RASGRF1: variants seen among roughly 807,000 people sequenced by gnomAD.
RASGRF1 encodes Ras protein specific guanine nucleotide releasing factor 1.
RASGRF1 carries 40 observed loss-of-function variants against 138.7 expected under a neutral mutation model. That is an observed-to-expected ratio of 0.29 (90% CI 0.22 to 0.38). RASGRF1 has a LOEUF of 0.38. Ranked by LOEUF, RASGRF1 falls within the 10% of genes least tolerant of loss-of-function variation. The pLI is 1.00. For synonymous variants in RASGRF1, 614 were observed against 663.2 expected (o/e 0.93, Z 1.14); for missense variants, 1,108 against 1,650.4 (o/e 0.67, Z 5.69).
chr15:79,030,818 T>C (rs1316429919), intron 8 of RASGRF1, among the ~76,000 whole-genome samples: 6 of 152,254 alleles, frequency 3.9e-5, no homozygotes, highest in Non-Finnish European at 8.8e-5. Flanking sequence ...CACAGTCATC[T>C]GCTGCCTGGG....
chr15:79,064,353 C>G, intron 2 of RASGRF1, 67 bp downstream of exon 2: 1 of 1,482,124 alleles, frequency 6.7e-7, no homozygotes, highest in Non-Finnish European at 9.3e-7. Context: ...TTCAAAGGCC[C>G]TTGGGTCTGG....
At chr15:78,971,842 T>C in intron 26 of RASGRF1, 24 bp downstream of exon 26, 2 of 1,545,270 alleles carry the variant, frequency 1.3e-6, no homozygotes, top group Non-Finnish European at 8.9e-7. Flanking sequence ...AGCATGCAAG[T>C]GACCAGGAAA....
intron 1 of RASGRF1, among the ~76,000 whole-genome samples, chr15:79,081,978 G>A (rs961586681): frequency 2.6e-5 from 4 of 152,180 alleles, no homozygotes; most frequent in Non-Finnish European, 5.9e-5. Context: ...GAAAGGAGGG[G>A]AGGCCAGGCA....
At chr15:79,043,167 A>T (rs2057317729) in intron 5 of RASGRF1, among the ~76,000 whole-genome samples, 1 of 152,198 alleles carries the variant, frequency 6.6e-6, no homozygotes, top group Non-Finnish European at 1.5e-5. Flanking sequence ...AATTACATTG[A>T]CTGATTTTCA....
chr15:79,027,918 G>T lies in RASGRF1; in HGVS notation c.1263-59C>A. 1 of 1,544,052 alleles carries T rather than the reference G, an allele frequency of 6.5e-7. No homozygotes were observed. Among genetic ancestry groups the T allele is most frequent in the Non-Finnish European group, 8.9e-7 (1 of 1,118,240 alleles). On this transcript the variant is annotated intron_variant, in intron 8 of 26. Transcript: ENST00000558480. This position sits in a 1 kb window ranked among gnomAD's most constrained non-coding sequence, Gnocchi z 4.8. Reference sequence around the variant, plus strand: ...GGCTGCCCCTACTTCCCAGGGAGGCGAGAATGCCAGGCTTCTGGCCAGACC... The same window carrying T: ...GGCTGCCCCTACTTCCCAGGGAGGCTAGAATGCCAGGCTTCTGGCCAGACC...
intron 20 of RASGRF1, among the ~76,000 whole-genome samples, chr15:78,995,009 C>T (rs371239029): frequency 4.7e-4 from 71 of 151,198 alleles, no homozygotes; most frequent in African/African-American, 1.4e-3. Flanking sequence ...TTCACTGCAA[C>T]CTCTCCCTCC....
intron 1 of RASGRF1, among the ~76,000 whole-genome samples, chr15:79,074,843 C>T (rs950973677): frequency 1.3e-5 from 2 of 152,058 alleles, no homozygotes; most frequent in Non-Finnish European, 2.9e-5. Flanking sequence ...GCCCAGAGCT[C>T]CACCTGGGGC....
chr15:79,006,541 T>C lies in RASGRF1; in HGVS notation c.1827-107A>G. 3 of 1,368,612 alleles carry C rather than the reference T, an allele frequency of 2.2e-6. No homozygotes were observed. The highest frequency in any genetic ancestry group is 3.0e-6 in the Non-Finnish European group (3 of 1,008,118). The allele number at this position is 1,368,612 out of a possible 1,614,324, so 84.8% of individuals were successfully genotyped here. On this transcript the variant is annotated intron_variant, in intron 13 of 26. Transcript: ENST00000558480. This position sits in a 1 kb window ranked among gnomAD's most constrained non-coding sequence, Gnocchi z 4.0. ...TCCCCCACACACTGACAACACAGGA[T>C]GGTCTTATTAAGAGAACAAGCTTGG...
intron 1 of RASGRF1, among the ~76,000 whole-genome samples, chr15:79,080,449 T>C (rs921534590): frequency 9.2e-5 from 14 of 152,246 alleles, no homozygotes; most frequent in Non-Finnish European, 2.1e-4. Flanking sequence ...CCAAATGATT[T>C]CACTAATTTC....
intron 10 of RASGRF1, among the ~76,000 whole-genome samples, chr15:79,023,670 C>T (rs968595599): frequency 6.6e-6 from 1 of 152,146 alleles, no homozygotes; most frequent in Non-Finnish European, 1.5e-5. Flanking sequence ...TTCCCTCCCC[C>T]TTTAGGGATG....
intron 18 of RASGRF1, among the ~76,000 whole-genome samples, chr15:78,998,483 C>T (rs1253211516): frequency 6.6e-6 from 1 of 152,238 alleles, no homozygotes; most frequent in East Asian, 1.9e-4. Context: ...ACCCCTGCTA[C>T]AGGCAGGGTG....
intron 1 of RASGRF1, among the ~76,000 whole-genome samples, chr15:79,089,541 C>T (rs975908631): frequency 4.6e-5 from 7 of 152,238 alleles, no homozygotes; most frequent in African/African-American, 1.7e-4. Context: ...CTTCGTCCCG[C>T]TGCCTCCGCA....
intron 1 of RASGRF1, among the ~76,000 whole-genome samples, chr15:79,088,684 C>T (rs999482967): frequency 6.6e-6 from 1 of 152,140 alleles, no homozygotes; most frequent in African/African-American, 2.4e-5. Flanking sequence ...GGGCTGCAGG[C>T]CCCGGGTAGG....
intron 26 of RASGRF1, among the ~76,000 whole-genome samples, chr15:78,969,856 T>C (rs989462444): frequency 2.0e-5 from 3 of 152,148 alleles, no homozygotes; most frequent in Non-Finnish European, 4.4e-5. Context: ...AGAGTTTATC[T>C]GTTTTGTTCA....
At chr15:78,975,175 G>A (rs1048822066) in intron 24 of RASGRF1, among the ~76,000 whole-genome samples, 1 of 152,316 alleles carries the variant, frequency 6.6e-6, no homozygotes. Context: ...AGGATCACTT[G>A]AGTCCAACGG....
intron 26 of RASGRF1, among the ~76,000 whole-genome samples, chr15:78,968,260 G>GTC (rs66982178): frequency 0.28 from 42,284 of 151,044 alleles, 7,005 homozygotes; most frequent in Middle Eastern, 0.41. Context: ...ATGTGTGTGT[G>GTC]TGTGTGTGTG....
chr15:78,995,728 G>T lies in RASGRF1; in HGVS notation c.3027+12C>A. 1 of 1,614,138 alleles carries T rather than the reference G, an allele frequency of 6.2e-7. No individual in the cohort carries two copies. The highest frequency in any genetic ancestry group is 8.5e-7 in the Non-Finnish European group (1 of 1,180,006). Reference sequence around the variant, plus strand: ...GAAAGCCTTGGAAAGCAAGAGGGCAGGCCCAGCTCACCATCTGCGTGATCT... The same window carrying T: ...GAAAGCCTTGGAAAGCAAGAGGGCATGCCCAGCTCACCATCTGCGTGATCT... On this transcript the variant is annotated intron_variant, in intron 20 of 26. Transcript: ENST00000558480.
intron 5 of RASGRF1, among the ~76,000 whole-genome samples, chr15:79,039,838 C>T (rs901278963): frequency 1.3e-5 from 2 of 151,210 alleles, no homozygotes; most frequent in South Asian, 2.1e-4. Flanking sequence ...GGTGTGATCT[C>T]GGCTCACTGT....
intron 26 of RASGRF1, among the ~76,000 whole-genome samples, chr15:78,963,357 A>C (rs1478714817): frequency 6.6e-6 from 1 of 151,536 alleles, no homozygotes; most frequent in Non-Finnish European, 1.5e-5. Flanking sequence ...TCTGGAGTGC[A>C]GTGGTGCAAT....
Sources: allele counts gnomAD v4.1 joint callset (sites outside exome capture counted in the v4.1 genomes callset), GRCh38; gene constraint gnomAD v4.1.1; non-coding constraint Gnocchi (gnomAD v3.1); transcripts MANE v1.5; gene names NCBI Gene and HGNC (gene_info 2026-07-23, HGNC 2026-07-21).